TSC2: variants seen among roughly 807,000 people sequenced by gnomAD.
TSC2 encodes the protein TSC complex subunit 2.
In TSC2, 29 loss-of-function variants were observed where a neutral mutation model predicts 202.2. The ratio of observed to expected loss-of-function variants is 0.14; its 90% CI spans 0.11 to 0.20. TSC2 has a LOEUF of 0.20. Ranked by LOEUF, TSC2 falls within the 10% of genes least tolerant of loss-of-function variation. The probability of loss-of-function intolerance (pLI) is 1.00; values close to 1 mark genes in which losing one functional copy is unlikely to be tolerated. For missense variants in TSC2, 2,429 were observed against 2,420.0 expected (o/e 1.00, Z -0.08); for synonymous variants, 1,349 against 1,044.0 (o/e 1.29, Z -5.63).
intron 32 of TSC2, 102 bp from the exon 33 acceptor site, chr16:2,083,593 C>T: frequency 1.3e-6 from 2 of 1,535,138 alleles, no homozygotes; most frequent in African/African-American, 2.7e-5. Context: ...GCTCGCAGGG[C>T]TGCTGTCCCT....
chr16:2,062,824 A>G, intron 13 of TSC2, 148 bp from the exon 14 acceptor site: 1 of 998,462 alleles, frequency 1.0e-6, no homozygotes, highest in East Asian at 2.6e-5. Flanking sequence ...TCGTCTGGAG[A>G]GATGCTCCCT....
chr16:2,056,172 G>T, intron 6 of TSC2, 24 bp from the exon 7 acceptor site: 1 of 1,613,606 alleles, frequency 6.2e-7, no homozygotes, highest in Non-Finnish European at 8.5e-7. Context: ...GTGCTGCCGG[G>T]ACTGAGCTCG....
chr16:2,063,884 A>T, intron 14 of TSC2: 1 of 365,234 alleles, frequency 2.7e-6, no homozygotes, highest in Non-Finnish European at 5.3e-6. Context: ...ATGCACAGGC[A>T]CACACGTGCA....
At position 2,054,370 on chromosome 16, in the gene TSC2, C is replaced by T. The variant is rs776129896; in HGVS notation, c.411C>T (p.His137=). The T allele has an allele frequency of 1.5e-5, 24 of 1,614,100 alleles. No individual in the cohort carries two copies. The highest frequency in any genetic ancestry group is 1.6e-4 in the Middle Eastern group (1 of 6,084). ...ATTACCCTTCCAACGAAGACCTTCA[C>T]GAAAGGCTGGAGGTTTTCAAGGCCC... ...IKDYPSNEDL[H]ERLEVFKALT... is the part of the protein sequence containing the mutation. Residue 137 remains histidine (H), a synonymous_variant, in exon 5 of 42, where the codon CAC becomes CAT. Transcript: ENST00000219476.
rs1567461653 is a variant in TSC2 at position 2,071,503 on chromosome 16, C to T, written c.1840-7C>T. ...GGCTCTGGCTTTCACCATCCTCTTC[C>T]TGACAGGCCTTTGACTTCCTGTTGC... On this transcript the variant is annotated splice_polypyrimidine_tract_variant and splice_region_variant and intron_variant, in intron 17 of 41. Coordinates refer to ENST00000219476, the MANE Select transcript of TSC2 (RefSeq NM_000548.5). The T allele has an allele frequency of 6.2e-7, 1 of 1,613,550 alleles. No homozygotes were observed. The highest frequency in any genetic ancestry group is 1.7e-5 in the Admixed American group (1 of 60,022).
intron 16 of TSC2, among the ~76,000 whole-genome samples, chr16:2,066,832 T>C (rs2087447513): frequency 6.6e-6 from 1 of 151,948 alleles, no homozygotes; most frequent in South Asian, 2.1e-4. Flanking sequence ...GGCTAATTTT[T>C]TGTATTATTA....
rs1359665935 is a variant in TSC2 at position 2,063,860 on chromosome 16, A to G, written c.1444-412A>G. The G allele has an allele frequency of 1.2e-5, 4 of 344,200 alleles. No homozygotes were observed. The East Asian group carries it at 2.9e-4, about 25-fold the overall frequency. The allele number at this position is 344,200 out of a possible 1,614,324, so 21.3% of individuals were successfully genotyped here. ...TGTCCTCAGCACAGCACGCACACAC[A>G]CGCATATTCACGCATGCACAGGCAC... On this transcript the variant is annotated intron_variant, in intron 14 of 41. Transcript: ENST00000219476.
chr16:2,082,064 C>T lies in TSC2; in HGVS notation c.3814+266C>T. Reference sequence around the variant, plus strand: ...CCAGCATCCTCCGTGGGGAGTCCAGCACTGCGGGCTCCAGGAGGCTCTGCG... The same window carrying T: ...CCAGCATCCTCCGTGGGGAGTCCAGTACTGCGGGCTCCAGGAGGCTCTGCG... On this transcript the variant is annotated intron_variant, in intron 31 of 41. Coordinates refer to ENST00000219476, the MANE Select transcript of TSC2 (RefSeq NM_000548.5). The T allele has an allele frequency of 4.9e-6, 3 of 606,388 alleles. No individual in the cohort carries two copies. The East Asian group carries it at 8.5e-5, about 17-fold the overall frequency. The allele number at this position is 606,388 out of a possible 1,614,324, so 37.6% of individuals were successfully genotyped here. A position where few individuals can be genotyped will look rare whatever the true frequency, so the allele number is the denominator to read the frequency against.
intron 1 of TSC2, 186 bp downstream of exon 1, chr16:2,048,251 G>A (rs2084604510): frequency 3.0e-6 from 4 of 1,335,518 alleles, no homozygotes; most frequent in South Asian, 1.3e-5. Context: ...AGGCGGCTCC[G>A]TGACAGCTCC....
In TSC2 at chr16:2,079,343, G is replaced by A. The variant is rs200681169; in HGVS notation, c.3199G>A (p.Val1067Ile). ...TKTWLVGNKL[V>I]TVTTSVGTGT... ...AACCTGGCTGGTTGGGAACAAGCTT[G>A]TCACTGTGACGACAAGCGTGGGAAC... The change falls in exon 28 of 42, where the codon GTC becomes ATC. Residue 1067 changes from valine (V) to isoleucine (I), a missense_variant. Coordinates refer to ENST00000219476, the MANE Select transcript of TSC2 (RefSeq NM_000548.5). The surrounding 1 kb of genome is among the most constrained non-coding windows in gnomAD (Gnocchi z 4.6). 1 of 1,613,030 alleles carries A rather than the reference G, an allele frequency of 6.2e-7. No individual in the cohort carries two copies. The highest frequency in any genetic ancestry group is 8.5e-7 in the Non-Finnish European group (1 of 1,180,016).
rs1356498946 is a variant in TSC2, at chr16:2,058,799, A to G, written c.901A>G (p.Met301Val). The G allele has an allele frequency of 1.9e-6, 3 of 1,597,768 alleles. No individual in the cohort carries two copies. The highest frequency in any genetic ancestry group is 1.7e-5 in the Admixed American group (1 of 57,148). Residue 301 changes from methionine (M) to valine (V), a missense_variant, in exon 10 of 42, where the codon ATG becomes GTG. Coordinates refer to ENST00000219476, the MANE Select transcript of TSC2 (RefSeq NM_000548.5). ...LLRGAVFFVG[M>V]ALWGAHRLYS... ...GAGAGGAGCCGTGTTTTTTGTGGGC[A>G]TGGCTCTCTGGGGAGCCCACCGGCT...
chr16:2,088,599 G>A lies in TSC2; in HGVS notation c.5413G>A (p.Glu1805Lys), dbSNP rs376017665. The A allele has an allele frequency of 5.3e-5, 85 of 1,604,180 alleles. No individual in the cohort carries two copies. The South Asian group carries it at 8.6e-4, about 16-fold the overall frequency. Reference sequence around the variant, plus strand: ...CATCTCCTCGGTGGAGGACTTCACCGAGTTTGTGTGAGGCCGGGGCCCTCC... The same window carrying A: ...CATCTCCTCGGTGGAGGACTTCACCAAGTTTGTGTGAGGCCGGGGCCCTCC... ...RLISSVEDFTEFV is the reference protein window; with the variant it reads ...RLISSVEDFTKFV Residue 1805 changes from glutamate (E) to lysine (K), a missense_variant, in exon 42 of 42, where the codon GAG becomes AAG. By Grantham distance (56) the Glu-to-Lys change is moderately conservative (BLOSUM62 1). Transcript: ENST00000219476.
rs1244239593 is a variant in TSC2, at chr16:2,056,558, AAGG to A, written c.649-82_649-80del. The A allele has an allele frequency of 2.5e-5, 39 of 1,566,284 alleles. No homozygotes were observed. The Admixed American group carries it at 6.8e-4, about 27-fold the overall frequency. On this transcript the variant is annotated intron_variant, in intron 7 of 41. Transcript: ENST00000219476. ...CGGGGAGAGGTGGCAGCGCAGGCTGAAGGAGGTGGGAAGGAAGCCTGGGTGTCC... is the reference window on the plus strand; with the variant it reads ...CGGGGAGAGGTGGCAGCGCAGGCTGAAGGTGGGAAGGAAGCCTGGGTGTCC...
chr16:2,080,710 T>G, intron 30 of TSC2: 1 of 313,674 alleles, frequency 3.2e-6, no homozygotes, highest in South Asian at 3.3e-5. Flanking sequence ...GGTCTCAATC[T>G]CCTGACCTCG....
chr16:2,072,988 G>A lies in TSC2; in HGVS notation c.2355+5G>A, dbSNP rs756995937. ...TACCTGGACAAAACCAAACAGGTAG[G>A]AGGTCAGAGCAGGACAGGCGAGCTT... On this transcript the variant is annotated splice_donor_5th_base_variant and intron_variant, in intron 21 of 41. Coordinates refer to ENST00000219476, the MANE Select transcript of TSC2 (RefSeq NM_000548.5). The A allele has an allele frequency of 1.4e-5, 23 of 1,613,254 alleles. No individual in the cohort carries two copies. Among genetic ancestry groups the A allele is most frequent in the Non-Finnish European group, 1.8e-5 (21 of 1,180,034 alleles).
chr16:2,076,938 C>T (rs1430245194), intron 25 of TSC2, among the ~76,000 whole-genome samples: 1 of 152,226 alleles, frequency 6.6e-6, no homozygotes, highest in Non-Finnish European at 1.5e-5. Flanking sequence ...GCTTCATCAC[C>T]GCCGCCTTGC....
At position 2,084,330 on chromosome 16, in the gene TSC2, C is replaced by T. The variant is rs747293303; in HGVS notation, c.4108C>T (p.Pro1370Ser). The T allele has an allele frequency of 2.2e-5, 35 of 1,612,724 alleles. No individual in the cohort carries two copies. The South Asian group carries it at 2.9e-4, about 13-fold the overall frequency. Residue 1370 changes from proline (P) to serine (S), a missense_variant, in exon 34 of 42, where the codon CCC (proline) becomes TCC (serine). Physicochemically the swap from Pro to Ser is moderately conservative, Grantham distance 74. Transcript: ENST00000219476. ...ERVVSSEGGR[P>S]SVDLSFQPSQ... ...AGTCGTCTCCTCGGAGGGTGGCCGG[C>T]CCTCTGTGGACCTCTCCTTCCAGCC... is the stretch of plus-strand genomic sequence containing the variant.
chr16:2,060,861 C>A, intron 11 of TSC2, 48 bp downstream of exon 11: 1 of 1,606,006 alleles, frequency 6.2e-7, no homozygotes, highest in Non-Finnish European at 8.5e-7. Context: ...CCCAGACAGG[C>A]AGGCTCGGCC....
chr16:2,064,942 T>A (rs536442427), intron 15 of TSC2: 1 of 204,600 alleles, frequency 4.9e-6, no homozygotes, highest in Non-Finnish European at 1.0e-5. Flanking sequence ...GGTGAAATCC[T>A]GTCTCTACTA....
Sources: allele counts gnomAD v4.1 joint callset (sites outside exome capture counted in the v4.1 genomes callset), GRCh38; gene constraint gnomAD v4.1.1; non-coding constraint Gnocchi (gnomAD v3.1); transcripts MANE v1.5; gene names NCBI Gene and HGNC (gene_info 2026-07-23, HGNC 2026-07-21).